CALCRL: variants seen among roughly 807,000 people sequenced by gnomAD.
CALCRL encodes calcitonin receptor like receptor, also known as calcitonin gene-related peptide type 1 receptor.
Under a neutral mutation model 60.4 loss-of-function variants are expected in CALCRL, and 27 were observed. That is an observed-to-expected ratio of 0.45 (90% CI 0.33 to 0.62). The LOEUF (loss-of-function observed/expected upper bound fraction) is 0.62. Among genes scored for constraint, CALCRL ranks in the 20% least tolerant of loss-of-function variants. The probability of loss-of-function intolerance (pLI) is 0.03; values close to 1 mark genes in which losing one functional copy is unlikely to be tolerated. For missense variants in CALCRL, 424 were observed against 540.7 expected, an observed-to-expected ratio of 0.78 and a Z score of 2.14; for synonymous variants, 190 against 182.6, an observed-to-expected ratio of 1.04 and a Z score of -0.33.
At chr2:187,385,898 C>T (rs1298768990) in intron 3 of CALCRL, among the ~76,000 whole-genome samples, 3 of 151,946 alleles carry the variant, frequency 2.0e-5, no homozygotes, top group African/African-American at 4.8e-5. Context: ...TACAGGTGAG[C>T]GCCACCACAC....
At chr2:187,428,749 T>G (rs1014851381) in intron 1 of CALCRL, 1 of 151,944 alleles carries the variant, frequency 6.6e-6, no homozygotes, top group Non-Finnish European at 1.5e-5. Flanking sequence ...AACAATTAGC[T>G]GGGCGTGGTG....
chr2:187,353,290 T>A (rs1686615359), intron 12 of CALCRL, among the ~76,000 whole-genome samples: 1 of 151,950 alleles, frequency 6.6e-6, no homozygotes, highest in South Asian at 2.1e-4. Context: ...CCATAGGGGC[T>A]AATTGCTATT....
chr2:187,367,375 G>A (rs1003828863), intron 8 of CALCRL, among the ~76,000 whole-genome samples: 2 of 152,012 alleles, frequency 1.3e-5, no homozygotes, highest in South Asian at 4.2e-4. Context: ...CTACCTCCAG[G>A]CACTGTGCAA....
At chr2:187,409,943 G>A (rs899267496) in intron 1 of CALCRL, among the ~76,000 whole-genome samples, 5 of 152,184 alleles carry the variant, frequency 3.3e-5, no homozygotes, top group African/African-American at 7.2e-5. Context: ...GTCAGGTGAG[G>A]CTGTGGAAGA....
At chr2:187,421,026 A>C (rs1296329910) in intron 1 of CALCRL, among the ~76,000 whole-genome samples, 61 of 152,194 alleles carry the variant, frequency 4.0e-4, no homozygotes, top group Non-Finnish European at 1.5e-5. Flanking sequence ...TGCCAGGAAT[A>C]GATTAATCCT....
chr2:187,363,327 C>A, intron 9 of CALCRL, 49 bp downstream of exon 9: 1 of 1,560,546 alleles, frequency 6.4e-7, no homozygotes, highest in South Asian at 1.2e-5. Flanking sequence ...CCATGTTCCC[C>A]CTTTCCCATT....
At chr2:187,428,967 G>C (rs936030844) in intron 1 of CALCRL, 1 of 150,948 alleles carries the variant, frequency 6.6e-6, no homozygotes, top group Non-Finnish European at 1.5e-5. Context: ...TATATTTTTA[G>C]TTTATATAAT....
chr2:187,401,158 C>T (rs778198317), intron 1 of CALCRL, among the ~76,000 whole-genome samples: 8 of 151,400 alleles, frequency 5.3e-5, no homozygotes, highest in Non-Finnish European at 8.9e-5. Context: ...ATGAAGTGTA[C>T]GGGTATAGCT....
chr2:187,381,114 T>C (rs1687968859), intron 5 of CALCRL, among the ~76,000 whole-genome samples: 1 of 152,174 alleles, frequency 6.6e-6, no homozygotes, highest in Non-Finnish European at 1.5e-5. Flanking sequence ...TTAGCGTCCC[T>C]ATGCTTAAAA....
chr2:187,396,480 T>C (rs867069301), intron 1 of CALCRL, among the ~76,000 whole-genome samples: 3 of 151,946 alleles, frequency 2.0e-5, no homozygotes, highest in Non-Finnish European at 2.9e-5. Flanking sequence ...TTTGGCTACA[T>C]TGAGTTTTTA....
chr2:187,382,000 A>G (rs1333749923), intron 5 of CALCRL, among the ~76,000 whole-genome samples: 1 of 152,208 alleles, frequency 6.6e-6, no homozygotes, highest in Non-Finnish European at 1.5e-5. Context: ...GTTTGAATCC[A>G]TATATTTCTA....
At chr2:187,422,025 A>T (rs1370580066) in intron 1 of CALCRL, among the ~76,000 whole-genome samples, 1 of 152,196 alleles carries the variant, frequency 6.6e-6, no homozygotes, top group Non-Finnish European at 1.5e-5. Context: ...CCACCTTATG[A>T]ATAAAAGGAA....
intron 1 of CALCRL, among the ~76,000 whole-genome samples, chr2:187,434,681 A>G (rs1690555102): frequency 6.6e-6 from 1 of 152,206 alleles, no homozygotes; most frequent in Non-Finnish European, 1.5e-5. Flanking sequence ...TTGTAATATC[A>G]AAACTGTGGA....
At chr2:187,353,232 A>G (rs1686612464) in intron 12 of CALCRL, among the ~76,000 whole-genome samples, 1 of 151,920 alleles carries the variant, frequency 6.6e-6, no homozygotes, top group Admixed American at 6.6e-5. Context: ...CTCTATGCCC[A>G]TTCCTTATGC....
At chr2:187,402,112 T>A (rs949538623) in intron 1 of CALCRL, among the ~76,000 whole-genome samples, 3 of 151,660 alleles carry the variant, frequency 2.0e-5, no homozygotes, top group Non-Finnish European at 4.4e-5. Context: ...TACTAAAATT[T>A]GTTTCTCTGG....
intron 1 of CALCRL, among the ~76,000 whole-genome samples, chr2:187,417,965 A>G (rs1689690358): frequency 6.6e-6 from 1 of 152,132 alleles, no homozygotes; most frequent in Non-Finnish European, 1.5e-5. Context: ...TTCTTCATCA[A>G]TATCGCCTAC....
At chr2:187,360,871 A>C (rs1687026421) in intron 9 of CALCRL, 120 bp from the exon 10 acceptor site, 1 of 829,938 alleles carries the variant, frequency 1.2e-6, no homozygotes, top group Non-Finnish European at 1.7e-6. Context: ...CCTATACATT[A>C]ATGATTAGGA....
chr2:187,364,286 C>T lies in CALCRL; in HGVS notation c.501-784G>A, dbSNP rs1215178107. On this transcript the variant is annotated intron_variant, in intron 8 of 14. Transcript: ENST00000392370. The stretch of plus-strand genomic sequence containing the variant: ...GATTGTGCATATATGACTGCCTGCC[C>T]GTGTTCAAGCGCTACTTCCTTTATA... Among the ~76,000 whole-genome samples, 2 of 152,072 alleles carry T rather than the reference C, an allele frequency of 1.3e-5. 1 individual carries two copies. The highest frequency in any genetic ancestry group is 4.1e-4 in the South Asian group (2 of 4,832).
At chr2:187,385,764 T>A (rs1020384693) in intron 3 of CALCRL, 133 bp from the exon 4 acceptor site, 62 of 610,156 alleles carry the variant, frequency 1.0e-4, no homozygotes, top group Non-Finnish European at 1.7e-4. Context: ...ATAAATCATT[T>A]TTTTTAAGAC....
Sources: allele counts gnomAD v4.1 joint callset (sites outside exome capture counted in the v4.1 genomes callset), GRCh38; gene constraint gnomAD v4.1.1; transcripts MANE v1.5; gene names NCBI Gene and HGNC (gene_info 2026-07-23, HGNC 2026-07-21).